LRRC37A2: variants seen among roughly 807,000 people sequenced by gnomAD.
LRRC37A2 encodes the protein leucine-rich repeat-containing protein 37A2.
A neutral mutation model predicts 68.8 loss-of-function variants in LRRC37A2; 9 were observed. That is an observed-to-expected ratio of 0.13 (90% CI 0.08 to 0.23). The LOEUF is 0.23. Ranked by LOEUF, LRRC37A2 falls within the 10% of genes least tolerant of loss-of-function variation. The probability of loss-of-function intolerance (pLI) is 1.00; values close to 1 mark genes in which losing one functional copy is unlikely to be tolerated. For missense variants in LRRC37A2, 168 were observed against 950.4 expected, an observed-to-expected ratio of 0.18 and a Z score of 10.82; for synonymous variants, 63 against 367.6, an observed-to-expected ratio of 0.17 and a Z score of 9.48.
chr17:46,940,156 G>A, the LRRC37A2 span: 1 of 1,318,386 alleles, frequency 7.6e-7, no homozygotes, highest in Non-Finnish European at 9.7e-7. Context: ...TAGTCATGTT[G>A]GTCCTTTCAG....
the LRRC37A2 span, among the ~76,000 whole-genome samples, chr17:47,025,050 G>A: frequency 2.0e-4 from 30 of 151,722 alleles, no homozygotes; most frequent in South Asian, 5.6e-3. Context: ...TTTCTATGCG[G>A]TCTACAACCA....
At chr17:46,919,248 C>T in the LRRC37A2 span, among the ~76,000 whole-genome samples, 4 of 152,080 alleles carry the variant, frequency 2.6e-5, no homozygotes, top group Admixed American at 6.6e-5. Flanking sequence ...GCCTAGAAAA[C>T]GTTCTAGTAA....
chr17:47,001,676 C>A, the LRRC37A2 span, among the ~76,000 whole-genome samples: 5 of 151,592 alleles, frequency 3.3e-5, no homozygotes, highest in African/African-American at 1.2e-4. Context: ...CTCTCACCCC[C>A]AAGCAACTAC....
the LRRC37A2 span, among the ~76,000 whole-genome samples, chr17:46,477,586 G>A: frequency 1.6e-5 from 1 of 64,072 alleles, no homozygotes; most frequent in Admixed American, 1.5e-4. Flanking sequence ...GGAAGTGGGA[G>A]TTTCCACGTA....
chr17:46,738,809 A>C, the LRRC37A2 span, among the ~76,000 whole-genome samples: 1 of 152,260 alleles, frequency 6.6e-6, no homozygotes. Flanking sequence ...ACAGTAAGAG[A>C]ACTAAACTGT....
chr17:46,879,147 A>G, the LRRC37A2 span, among the ~76,000 whole-genome samples: 1 of 152,196 alleles, frequency 6.6e-6, no homozygotes, highest in Non-Finnish European at 1.5e-5. Context: ...ATGAGAAAGT[A>G]TTTATATTAT....
the LRRC37A2 span, chr17:46,935,342 G>C: frequency 6.8e-7 from 1 of 1,473,838 alleles, no homozygotes; most frequent in Middle Eastern, 2.2e-4. Flanking sequence ...TTGTGAGCCT[G>C]AAAGTACCCA....
chr17:46,775,277 C>T, the LRRC37A2 span, among the ~76,000 whole-genome samples: 448 of 152,348 alleles, frequency 2.9e-3, 1 homozygote, highest in African/African-American at 0.01. Context: ...TTGCCTACGG[C>T]TTTTTGGTCT....
chr17:46,780,740 G>A, the LRRC37A2 span, among the ~76,000 whole-genome samples: 1 of 152,132 alleles, frequency 6.6e-6, no homozygotes, highest in East Asian at 1.9e-4. Flanking sequence ...TGGCGCCACT[G>A]CGCTCCAGCC....
At chr17:46,722,219 T>C in the LRRC37A2 span, 1 of 1,433,738 alleles carries the variant, frequency 7.0e-7, no homozygotes, top group Non-Finnish European at 9.8e-7. Context: ...GACCCAAATC[T>C]CGCGAGAGCA....
At chr17:47,038,600 C>G in the LRRC37A2 span, among the ~76,000 whole-genome samples, 422 of 142,718 alleles carry the variant, frequency 3.0e-3, no homozygotes, top group African/African-American at 9.8e-3. Context: ...CTCTCACCCC[C>G]TCCTTTATAC....
the LRRC37A2 span, among the ~76,000 whole-genome samples, chr17:46,753,319 A>G: frequency 6.6e-6 from 1 of 152,234 alleles, no homozygotes; most frequent in Admixed American, 6.5e-5. Context: ...ACCAATAACA[A>G]ATTGGAAACG....
chr17:46,744,762 C>G, the LRRC37A2 span, among the ~76,000 whole-genome samples: 1 of 152,154 alleles, frequency 6.6e-6, no homozygotes, highest in Admixed American at 6.5e-5. Context: ...GCTTAGTACT[C>G]GCTCATTCTT....
chr17:46,755,033 A>C, the LRRC37A2 span, among the ~76,000 whole-genome samples: 1 of 152,266 alleles, frequency 6.6e-6, no homozygotes, highest in African/African-American at 2.4e-5. Flanking sequence ...CCTCACAGGC[A>C]TCAGCACAGG....
At chr17:46,974,397 A>G in the LRRC37A2 span, among the ~76,000 whole-genome samples, 2 of 152,244 alleles carry the variant, frequency 1.3e-5, no homozygotes, top group African/African-American at 4.8e-5. Context: ...ACAGGAAATT[A>G]GAGGAGCATC....
chr17:46,545,324 GC>G (rs1348800439), intron 8 of LRRC37A2, among the ~76,000 whole-genome samples: 39 of 144,658 alleles, frequency 2.7e-4, no homozygotes, highest in Non-Finnish European at 4.8e-4. Flanking sequence ...GGTGGTGCAA[GC>G]CTATACTCCC....
At chr17:47,019,485 C>A in the LRRC37A2 span, 2 of 1,579,724 alleles carry the variant, frequency 1.3e-6, no homozygotes, top group Non-Finnish European at 8.7e-7. Flanking sequence ...AGAGATTGGA[C>A]ATTCTACAGC....
the LRRC37A2 span, among the ~76,000 whole-genome samples, chr17:46,899,850 T>G: frequency 6.6e-5 from 10 of 152,198 alleles, no homozygotes; most frequent in East Asian, 1.9e-3. Context: ...TTGTATTTCA[T>G]TCTTACAGTG....
At chr17:46,853,657 C>T in the LRRC37A2 span, among the ~76,000 whole-genome samples, 5 of 152,260 alleles carry the variant, frequency 3.3e-5, no homozygotes, top group African/African-American at 1.2e-4. Context: ...CATGAGCCAC[C>T]AGGCCTGGCT....
Sources: gnomAD v4.1 joint callset for allele counts (sites outside exome capture counted in the v4.1 genomes callset) on GRCh38, gnomAD v4.1.1 for gene constraint, MANE v1.5 for transcripts, NCBI Gene and HGNC (gene_info 2026-07-23, HGNC 2026-07-21) for gene names.